NEK7: variants seen among roughly 807,000 people sequenced by gnomAD.
NEK7 encodes the protein NIMA related kinase 7.
In NEK7, 18 loss-of-function variants were observed where a neutral mutation model predicts 44.6. That is an observed-to-expected ratio of 0.40 (90% CI 0.28 to 0.60). The LOEUF (loss-of-function observed/expected upper bound fraction) is 0.60, where lower values mean the gene tolerates loss of function less well. NEK7 is among the 20% of genes least tolerant of loss of function. The probability of loss-of-function intolerance (pLI) is 0.38; values close to 1 mark genes in which losing one functional copy is unlikely to be tolerated. For synonymous variants in NEK7, 130 were observed against 121.1 expected, an observed-to-expected ratio of 1.07 and a Z score of -0.48; for missense variants, 256 against 366.5, an observed-to-expected ratio of 0.70 and a Z score of 2.46.
At chr1:198,179,672 G>GTATAAA (rs1664701534) in intron 1 of NEK7, among the ~76,000 whole-genome samples, 1 of 152,120 alleles carries the variant, frequency 6.6e-6, no homozygotes, top group Non-Finnish European at 1.5e-5. Flanking sequence ...GTGGTCTTGA[G>GTATAAA]GACTGCCTTT....
At chr1:198,171,334 A>G (rs1390603869) in intron 1 of NEK7, among the ~76,000 whole-genome samples, 1 of 152,088 alleles carries the variant, frequency 6.6e-6, no homozygotes, top group East Asian at 1.9e-4. Flanking sequence ...TTCCTTGCTT[A>G]AAGTCCTTCA....
intron 7 of NEK7, among the ~76,000 whole-genome samples, chr1:198,290,492 A>G (rs1654520811): frequency 6.6e-6 from 1 of 152,162 alleles, no homozygotes; most frequent in African/African-American, 2.4e-5. Context: ...GTAAGGACTA[A>G]TCAGTTTACG....
At chr1:198,250,478 C>T (rs561000065) in intron 2 of NEK7, among the ~76,000 whole-genome samples, 1 of 151,286 alleles carries the variant, frequency 6.6e-6, no homozygotes, top group Non-Finnish European at 1.5e-5. Context: ...GGCAGTATGG[C>T]CATTTTCACG....
At chr1:198,168,828 T>G (rs1022897740) in intron 1 of NEK7, among the ~76,000 whole-genome samples, 1 of 151,180 alleles carries the variant, frequency 6.6e-6, no homozygotes, top group Non-Finnish European at 1.5e-5. Context: ...ATAGCAGGAG[T>G]GAGAGAGAAA....
chr1:198,225,404 AG>A, intron 1 of NEK7, among the ~76,000 whole-genome samples: 1 of 152,178 alleles, frequency 6.6e-6, no homozygotes, highest in African/African-American at 2.4e-5. Flanking sequence ...GTGGGGGATG[AG>A]TAAGAGGACC....
At chr1:198,242,730 G>A (rs1205494710) in intron 2 of NEK7, among the ~76,000 whole-genome samples, 1 of 151,270 alleles carries the variant, frequency 6.6e-6, no homozygotes, top group African/African-American at 2.4e-5. Flanking sequence ...ACAAAGTGCT[G>A]GGATTACAGG....
chr1:198,242,411 T>G (rs899212668), intron 2 of NEK7, among the ~76,000 whole-genome samples: 43 of 151,772 alleles, frequency 2.8e-4, no homozygotes, highest in African/African-American at 9.7e-4. Context: ...CTTTTTTTTT[T>G]TTTTGAGATA....
intron 1 of NEK7, among the ~76,000 whole-genome samples, chr1:198,161,669 T>G (rs558293240): frequency 6.6e-5 from 10 of 152,282 alleles, no homozygotes; most frequent in African/African-American, 2.2e-4. Flanking sequence ...AGAACCTCTT[T>G]TAGGTTTATC....
At chr1:198,213,533 AG>A (rs1251572448) in intron 1 of NEK7, among the ~76,000 whole-genome samples, 1 of 152,156 alleles carries the variant, frequency 6.6e-6, no homozygotes, top group Non-Finnish European at 1.5e-5. Context: ...CTCTATCCTC[AG>A]AGGAGGAGCA....
intron 1 of NEK7, among the ~76,000 whole-genome samples, chr1:198,207,608 AT>A: frequency 6.6e-6 from 1 of 152,222 alleles, no homozygotes; most frequent in African/African-American, 2.4e-5. Context: ...AAAAGGCTTC[AT>A]TTATATGATA....
intron 5 of NEK7, among the ~76,000 whole-genome samples, chr1:198,267,309 A>G (rs2102957764): frequency 6.6e-6 from 1 of 152,254 alleles, no homozygotes; most frequent in Middle Eastern, 3.4e-3. Context: ...TCATTCAAGA[A>G]ACTTATTTTC....
At chr1:198,187,439 C>T (rs1465044252) in intron 1 of NEK7, among the ~76,000 whole-genome samples, 1 of 152,174 alleles carries the variant, frequency 6.6e-6, no homozygotes, top group East Asian at 1.9e-4. Flanking sequence ...AGGCTTGTTC[C>T]ACATCTCAGC....
At chr1:198,318,481 T>G (rs899143177) in intron 9 of NEK7, among the ~76,000 whole-genome samples, 2 of 152,174 alleles carry the variant, frequency 1.3e-5, no homozygotes, top group Non-Finnish European at 2.9e-5. Flanking sequence ...TTGAGAACTA[T>G]GAAGAAATTG....
intron 1 of NEK7, among the ~76,000 whole-genome samples, chr1:198,224,562 C>T (rs554503506): frequency 1.3e-5 from 2 of 152,188 alleles, no homozygotes; most frequent in Admixed American, 6.5e-5. Flanking sequence ...AATGCAGAAA[C>T]GTTTTCTATG....
At chr1:198,311,434 T>C (rs1655178514) in intron 9 of NEK7, among the ~76,000 whole-genome samples, 1 of 151,820 alleles carries the variant, frequency 6.6e-6, no homozygotes. Flanking sequence ...TTTATTTCCT[T>C]CTCCTGCCTA....
At chr1:198,314,687 C>T (rs112883915) in intron 9 of NEK7, among the ~76,000 whole-genome samples, 20 of 152,128 alleles carry the variant, frequency 1.3e-4, no homozygotes, top group Non-Finnish European at 1.9e-4. Context: ...TTTGAGTACC[C>T]GGCCGTGTGA....
intron 1 of NEK7, among the ~76,000 whole-genome samples, chr1:198,163,331 A>G (rs1426980984): frequency 2.6e-5 from 4 of 152,044 alleles, no homozygotes; most frequent in Admixed American, 1.3e-4. Flanking sequence ...TGTCACTACA[A>G]AAAATTTAAA....
chr1:198,289,920 CAATGT>C (rs1454547499), intron 7 of NEK7, among the ~76,000 whole-genome samples: 1 of 152,016 alleles, frequency 6.6e-6, no homozygotes. Context: ...TAGAATAAGT[CAATGT>C]AATGAAAGGG....
At chr1:198,277,663 C>A in intron 5 of NEK7, 1 of 190,562 alleles carries the variant, frequency 5.2e-6, no homozygotes, top group Non-Finnish European at 1.1e-5. Flanking sequence ...TCAAATTTGA[C>A]ATCTTCCTTT....
Sources: gnomAD v4.1 joint callset for allele counts (sites outside exome capture counted in the v4.1 genomes callset) on GRCh38, gnomAD v4.1.1 for gene constraint, MANE v1.5 for transcripts, NCBI Gene and HGNC (gene_info 2026-07-23, HGNC 2026-07-21) for gene names.